Variants in PTPRM observed in about 807,000 individuals in gnomAD.
PTPRM encodes protein tyrosine phosphatase receptor type M.
In PTPRM, 47 loss-of-function variants were observed where a neutral mutation model predicts 186.7. The ratio of observed to expected loss-of-function variants is 0.25; its 90% confidence interval spans 0.20 to 0.32. The LOEUF (loss-of-function observed/expected upper bound fraction) is 0.32. PTPRM is among the 10% of genes least tolerant of loss of function. The pLI is 1.00. For missense variants in PTPRM, 1,494 were observed against 1,865.0 expected (o/e 0.80, Z 3.66); for synonymous variants, 668 against 674.9 (o/e 0.99, Z 0.16).
chr18:8,383,672 A>C (rs2095753509), intron 29 of PTPRM, among the ~76,000 whole-genome samples: 1 of 152,222 alleles, frequency 6.6e-6, no homozygotes, highest in Non-Finnish European at 1.5e-5. Flanking sequence ...GCAGAACAGC[A>C]AAGCATTTAT....
chr18:7,612,466 A>G (rs1212503267), intron 1 of PTPRM, among the ~76,000 whole-genome samples: 1 of 152,124 alleles, frequency 6.6e-6, no homozygotes, highest in Non-Finnish European at 1.5e-5. Flanking sequence ...GATTCCCAAC[A>G]TCTCTTGACC....
intron 14 of PTPRM, among the ~76,000 whole-genome samples, chr18:8,188,793 T>A (rs1371345585): frequency 6.6e-6 from 1 of 152,106 alleles, no homozygotes; most frequent in East Asian, 1.9e-4. Flanking sequence ...GGGAGTTATG[T>A]TTAATACAGA....
intron 1 of PTPRM, among the ~76,000 whole-genome samples, chr18:7,687,475 T>G (rs1418326984): frequency 6.6e-6 from 1 of 152,214 alleles, no homozygotes; most frequent in Admixed American, 6.5e-5. Flanking sequence ...TTTACTCTAA[T>G]TTATTTGATA....
intron 1 of PTPRM, among the ~76,000 whole-genome samples, chr18:7,696,975 G>A (rs2039858875): frequency 6.6e-6 from 1 of 152,164 alleles, no homozygotes; most frequent in South Asian, 2.1e-4. Flanking sequence ...ACACAAACAA[G>A]AAATTGTAGC....
At position 8,406,221 on chromosome 18, in the gene PTPRM, G is replaced by A. The variant is rs1476581085; in HGVS notation, c.*59G>A. On this transcript the variant is annotated 3_prime_UTR_variant, in exon 33 of 33. Transcript: ENST00000580170. Reference sequence around the variant, plus strand: ...TACCACAAAGCCAAGACGTTCCATGGTATTTGTGCAAAAGAGATGAAGACT... The same window carrying A: ...TACCACAAAGCCAAGACGTTCCATGATATTTGTGCAAAAGAGATGAAGACT... 3 of 1,504,996 alleles carry A rather than the reference G, an allele frequency of 2.0e-6. No homozygotes were observed. The highest frequency in any genetic ancestry group is 2.7e-6 in the Non-Finnish European group (3 of 1,091,410). 93.2% of individuals were successfully genotyped at this position (1,504,996 alleles called of 1,614,324 possible). A position where few individuals can be genotyped will look rare whatever the true frequency, so the allele number is the denominator to read the frequency against.
At chr18:7,913,878 G>T (rs1418755888) in intron 4 of PTPRM, among the ~76,000 whole-genome samples, 1 of 152,060 alleles carries the variant, frequency 6.6e-6, no homozygotes, top group Non-Finnish European at 1.5e-5. Flanking sequence ...TGGATAAATT[G>T]AATACAAAAT....
intron 1 of PTPRM, among the ~76,000 whole-genome samples, chr18:7,677,831 T>A (rs551400296): frequency 6.6e-6 from 1 of 152,274 alleles, no homozygotes; most frequent in African/African-American, 2.4e-5. Context: ...CCCACTCCCT[T>A]GTCCTGTTGC....
intron 22 of PTPRM, among the ~76,000 whole-genome samples, chr18:8,327,228 GA>G (rs1267364991): frequency 6.6e-6 from 1 of 152,186 alleles, no homozygotes; most frequent in Non-Finnish European, 1.5e-5. Flanking sequence ...TTTATGCTCA[GA>G]GGATCCAGAT....
intron 14 of PTPRM, among the ~76,000 whole-genome samples, chr18:8,182,114 G>A (rs1452124598): frequency 6.6e-6 from 1 of 152,182 alleles, no homozygotes; most frequent in East Asian, 1.9e-4. Flanking sequence ...ATTGTTCACT[G>A]TAGAGAAGCA....
intron 12 of PTPRM, among the ~76,000 whole-genome samples, chr18:8,114,430 T>C (rs978889322): frequency 1.3e-5 from 2 of 152,150 alleles, no homozygotes; most frequent in East Asian, 3.9e-4. Flanking sequence ...CTTTTGCCGG[T>C]GTAAAGGGGG....
intron 7 of PTPRM, among the ~76,000 whole-genome samples, chr18:7,996,968 T>C (rs929248197): frequency 6.6e-6 from 1 of 152,110 alleles, no homozygotes; most frequent in African/African-American, 2.4e-5. Context: ...CTGTATTACC[T>C]AAAGCAATCC....
chr18:8,024,681 C>CTTTTTT (rs397724573), intron 7 of PTPRM, among the ~76,000 whole-genome samples: 10,852 of 124,628 alleles, frequency 0.087, 873 homozygotes, highest in Middle Eastern at 0.28. Flanking sequence ...AAACCCAAAT[C>CTTTTTT]TTTTTTTTTT....
intron 9 of PTPRM, among the ~76,000 whole-genome samples, chr18:8,077,238 T>C (rs760161508): frequency 4.6e-5 from 7 of 152,160 alleles, no homozygotes; most frequent in Non-Finnish European, 5.9e-5. Context: ...AAGCTAGCAT[T>C]TATTTGAATG....
intron 5 of PTPRM, among the ~76,000 whole-genome samples, chr18:7,933,198 T>C (rs940739476): frequency 1.3e-5 from 2 of 152,132 alleles, no homozygotes; most frequent in African/African-American, 4.8e-5. Context: ...ACAGGAGTAG[T>C]GATGATGGCA....
intron 1 of PTPRM, among the ~76,000 whole-genome samples, chr18:7,716,207 C>G (rs555423593): frequency 1.3e-5 from 2 of 152,272 alleles, no homozygotes; most frequent in East Asian, 3.9e-4. Context: ...AATCACTCCA[C>G]ACGTCTGCAA....
intron 3 of PTPRM, among the ~76,000 whole-genome samples, chr18:7,888,755 A>T (rs1309211821): frequency 6.6e-6 from 1 of 152,122 alleles, no homozygotes; most frequent in African/African-American, 2.4e-5. Flanking sequence ...GGACTGGATT[A>T]AAAAAAACAT....
chr18:8,125,723 G>C (rs2092317100), intron 13 of PTPRM, among the ~76,000 whole-genome samples: 3 of 151,744 alleles, frequency 2.0e-5, no homozygotes, highest in Admixed American at 2.0e-4. Flanking sequence ...ACTCTAAAGA[G>C]TACACACAGA....
rs1040672967 is a variant in PTPRM at position 8,193,839 on chromosome 18, G to A, written c.2300+50060G>A. On this transcript the variant is annotated intron_variant, in intron 14 of 32. Coordinates refer to ENST00000580170, the MANE Select transcript of PTPRM (RefSeq NM_001105244.2). ...CACCCAGGCCACTCTGCTATGTGTC[G>A]CTGAACCTTGGCCTGTCTTCTTAAA... Among the ~76,000 whole-genome samples, 17 of 152,338 alleles carry A rather than the reference G, an allele frequency of 1.1e-4. No homozygotes were observed. The South Asian group carries it at 1.9e-3, about 17-fold the overall frequency.
intron 22 of PTPRM, among the ~76,000 whole-genome samples, chr18:8,339,461 G>A (rs751835513): frequency 3.9e-5 from 6 of 152,098 alleles, no homozygotes; most frequent in East Asian, 1.9e-4. Context: ...CAGAAACTGC[G>A]GAAATCAAAT....
Sources: gnomAD v4.1 joint callset for allele counts (sites outside exome capture counted in the v4.1 genomes callset) on GRCh38, gnomAD v4.1.1 for gene constraint, MANE v1.5 for transcripts, NCBI Gene and HGNC (gene_info 2026-07-23, HGNC 2026-07-21) for gene names.